Variants in MYO5A observed in about 807,000 individuals in gnomAD.
MYO5A encodes the protein myosin VA.
MYO5A carries 98 observed loss-of-function variants against 249.7 expected under a neutral mutation model. The observed-to-expected ratio is 0.39, with a 90% CI of 0.33 to 0.46. The LOEUF is 0.46. Among genes scored for constraint, MYO5A ranks in the 20% least tolerant of loss-of-function variants. MYO5A has a pLI of 0.98. For missense variants in MYO5A, 1,696 were observed against 2,308.8 expected, an observed-to-expected ratio of 0.73 and a Z score of 5.44; for synonymous variants, 778 against 810.6, an observed-to-expected ratio of 0.96 and a Z score of 0.68.
Position 52,311,388 on chromosome 15 carries a change from G to A in MYO5A, c.*2308C>T, listed in dbSNP as rs1378474501. ...TGTTAGATTCTGACACATTTGGTACGAACCAAATGGCTATGACTTAATTGT... is the reference window on the plus strand; with the variant it reads ...TGTTAGATTCTGACACATTTGGTACAAACCAAATGGCTATGACTTAATTGT... On this transcript the variant is annotated 3_prime_UTR_variant, in exon 42 of 42. Coordinates refer to ENST00000399233, the MANE Select transcript of MYO5A (RefSeq NM_001382347.1). 2 of 152,276 alleles carry A rather than the reference G, an allele frequency of 1.3e-5. No homozygotes were observed. Among genetic ancestry groups the A allele is most frequent in the African/African-American group, 2.4e-5 (1 of 41,552 alleles). 9.4% of individuals were successfully genotyped at this position (152,276 alleles called of 1,614,324 possible).
At chr15:52,362,802 C>T (rs2040599795) in intron 24 of MYO5A, among the ~76,000 whole-genome samples, 3 of 152,192 alleles carry the variant, frequency 2.0e-5, no homozygotes, top group Non-Finnish European at 4.4e-5. Context: ...ACTGGAGGAC[C>T]TTTCTAGAAA....
chr15:52,483,985 G>C (rs1454078513), intron 1 of MYO5A, among the ~76,000 whole-genome samples: 1 of 152,136 alleles, frequency 6.6e-6, no homozygotes, highest in East Asian at 1.9e-4. Flanking sequence ...CTGGTAGCTG[G>C]GGCTCTAGAA....
At chr15:52,475,996 A>G (rs556155405) in intron 1 of MYO5A, among the ~76,000 whole-genome samples, 1 of 152,136 alleles carries the variant, frequency 6.6e-6, no homozygotes, top group Non-Finnish European at 1.5e-5. Flanking sequence ...GGGGTGTTAA[A>G]GTCTCTCAGT....
intron 1 of MYO5A, among the ~76,000 whole-genome samples, chr15:52,514,640 T>TA (rs1171663425): frequency 6.6e-6 from 1 of 152,204 alleles, no homozygotes; most frequent in Admixed American, 6.5e-5. Context: ...GCCTGTGTAC[T>TA]ACAGCCTCAC....
At chr15:52,396,607 T>C (rs1307627036) in intron 10 of MYO5A, among the ~76,000 whole-genome samples, 1 of 151,720 alleles carries the variant, frequency 6.6e-6, no homozygotes, top group Non-Finnish European at 1.5e-5. Flanking sequence ...CAGAGAGGTT[T>C]TTTTTGTTTT....
At chr15:52,435,265 CTTT>C (rs35456308) in intron 1 of MYO5A, among the ~76,000 whole-genome samples, 17 of 113,716 alleles carry the variant, frequency 1.5e-4, no homozygotes, top group African/African-American at 5.4e-4. Context: ...ACGTTAACCT[CTTT>C]TTTTTTTTTT....
chr15:52,357,243 G>T (rs12438578), intron 25 of MYO5A, among the ~76,000 whole-genome samples: 29,619 of 151,846 alleles, frequency 0.2, 3,715 homozygotes, highest in East Asian at 0.57. Context: ...GTTCATTTAT[G>T]AATGATGTAC....
At chr15:52,334,037 C>T (rs1414195457) in intron 34 of MYO5A, among the ~76,000 whole-genome samples, 2 of 152,138 alleles carry the variant, frequency 1.3e-5, no homozygotes, top group Admixed American at 1.3e-4. Context: ...ATTATAATGC[C>T]TTTTTTGTTT....
At chr15:52,331,767 C>T in intron 34 of MYO5A, 1 of 985,454 alleles carries the variant, frequency 1.0e-6, no homozygotes, top group Non-Finnish European at 1.2e-6. Flanking sequence ...TGCAGCAGCA[C>T]ACACTGGGAC....
intron 1 of MYO5A, among the ~76,000 whole-genome samples, chr15:52,511,479 A>G (rs2077388605): frequency 6.6e-6 from 1 of 152,198 alleles, no homozygotes; most frequent in Non-Finnish European, 1.5e-5. Flanking sequence ...TTCCATTTCT[A>G]AAGCCAACAG....
Position 52,372,310 on chromosome 15 carries a change from C to G in MYO5A, c.2631G>C (p.Leu877=). 6.2e-7 allele frequency: 1 copy of G among 1,607,892 alleles called. No homozygotes were observed. Among genetic ancestry groups the G allele is most frequent in the Non-Finnish European group, 8.5e-7 (1 of 1,179,978 alleles). The part of the protein sequence containing the change: ...VIIQKRVRGW[L]ARTHYKRSMH... ...TGCTCCTCTTGTAGTGTGTGCGGGC[C>G]AGCCAGCCCCGGACTCGCTTCTGAA... is the stretch of plus-strand genomic sequence containing the variant. The change falls in exon 21 of 42, where the codon CTG becomes CTC. Residue 877 remains leucine (L), a synonymous_variant. Transcript: ENST00000399233.
intron 2 of MYO5A, among the ~76,000 whole-genome samples, chr15:52,429,262 A>C (rs2075465135): frequency 6.6e-6 from 1 of 152,218 alleles, no homozygotes; most frequent in Non-Finnish European, 1.5e-5. Context: ...TTATTCATTC[A>C]TCAGATTTAG....
rs915197360 is a variant in MYO5A, at chr15:52,308,328, T to C, written c.*5368A>G. On this transcript the variant is annotated 3_prime_UTR_variant, in exon 42 of 42. Coordinates refer to ENST00000399233, the MANE Select transcript of MYO5A (RefSeq NM_001382347.1). ...ATCTACTATAATTCAGGTTGGTTTATCTAATTTAGGGTAATACAACAGATT... is the reference window on the plus strand; with the variant it reads ...ATCTACTATAATTCAGGTTGGTTTACCTAATTTAGGGTAATACAACAGATT... 2 of 152,376 alleles carry C rather than the reference T, an allele frequency of 1.3e-5. No homozygotes were observed. Among genetic ancestry groups the C allele is most frequent in the South Asian group, 4.1e-4 (2 of 4,826 alleles). The allele number at this position is 152,376 out of a possible 1,614,324, so 9.4% of individuals were successfully genotyped here. A position where few individuals can be genotyped will look rare whatever the true frequency, so the allele number is the denominator to read the frequency against.
At chr15:52,426,025 A>C (rs2075387053) in intron 3 of MYO5A, 51 bp from the exon 4 acceptor site, 1 of 1,514,820 alleles carries the variant, frequency 6.6e-7, no homozygotes. Flanking sequence ...TGATACCCTA[A>C]TGGGCATATC....
At chr15:52,367,179 G>T in intron 22 of MYO5A, 55 bp from the exon 23 acceptor site, 1 of 1,458,686 alleles carries the variant, frequency 6.9e-7, no homozygotes, top group Non-Finnish European at 9.6e-7. Flanking sequence ...GAAGCCTGAT[G>T]ACCAAGGATA....
chr15:52,426,505 C>A (rs2075397419), intron 3 of MYO5A, among the ~76,000 whole-genome samples: 3 of 152,176 alleles, frequency 2.0e-5, no homozygotes, highest in Non-Finnish European at 4.4e-5. Context: ...CCCTGTCACC[C>A]AAGCTGGAGT....
chr15:52,506,760 G>A (rs534102347), intron 1 of MYO5A, among the ~76,000 whole-genome samples: 40 of 152,172 alleles, frequency 2.6e-4, no homozygotes, highest in African/African-American at 8.9e-4. Flanking sequence ...ACTTGAACCC[G>A]AGAGGGGGAG....
At chr15:52,401,766 C>T (rs149991344) in intron 9 of MYO5A, among the ~76,000 whole-genome samples, 196 of 152,206 alleles carry the variant, frequency 1.3e-3, no homozygotes, top group African/African-American at 4.6e-3. Context: ...CTCTTCTCTC[C>T]TTTATGAATT....
At chr15:52,448,056 A>G (rs1229766308) in intron 1 of MYO5A, among the ~76,000 whole-genome samples, 3 of 152,160 alleles carry the variant, frequency 2.0e-5, no homozygotes, top group Non-Finnish European at 4.4e-5. Context: ...TGTCCTCCAG[A>G]CCCCAGAATG....
Sources: gnomAD v4.1 joint callset for allele counts (sites outside exome capture counted in the v4.1 genomes callset) on GRCh38, gnomAD v4.1.1 for gene constraint, MANE v1.5 for transcripts, NCBI Gene and HGNC (gene_info 2026-07-23, HGNC 2026-07-21) for gene names.